Variants in GPC6 observed in about 807,000 individuals in gnomAD.
GPC6 encodes the protein glypican-6.
A neutral mutation model predicts 55.2 loss-of-function variants in GPC6; 14 were observed. The observed-to-expected ratio is 0.25, with a 90% CI of 0.17 to 0.40. The LOEUF (loss-of-function observed/expected upper bound fraction) is 0.40, where lower values mean the gene tolerates loss of function less well. Ranked by LOEUF, GPC6 falls within the 10% of genes least tolerant of loss-of-function variation. GPC6 has a pLI of 1.00. For synonymous variants in GPC6, 278 were observed against 259.6 expected (o/e 1.07, Z -0.68); for missense variants, 641 against 708.5 (o/e 0.90, Z 1.08).
At chr13:93,644,285 A>G (rs541723061) in intron 2 of GPC6, among the ~76,000 whole-genome samples, 12 of 152,252 alleles carry the variant, frequency 7.9e-5, no homozygotes, top group African/African-American at 2.9e-4. Flanking sequence ...CTCACGACTT[A>G]TCACAAGGAT....
intron 6 of GPC6, among the ~76,000 whole-genome samples, chr13:94,343,356 T>C (rs1878133596): frequency 6.6e-6 from 1 of 152,200 alleles, no homozygotes; most frequent in African/African-American, 2.4e-5. Flanking sequence ...CCGCAGCCTT[T>C]GCCTCCGCAC....
At chr13:94,091,684 A>C (rs529619953) in intron 4 of GPC6, among the ~76,000 whole-genome samples, 1 of 152,218 alleles carries the variant, frequency 6.6e-6, no homozygotes, top group Non-Finnish European at 1.5e-5. Context: ...TGGTTATTTA[A>C]ATCTAATCTT....
At chr13:93,384,299 A>G (rs1399514311) in intron 1 of GPC6, among the ~76,000 whole-genome samples, 9 of 152,082 alleles carry the variant, frequency 5.9e-5, no homozygotes, top group Non-Finnish European at 1.0e-4. Flanking sequence ...GCCTATGTGA[A>G]GGGATCATGA....
intron 4 of GPC6, among the ~76,000 whole-genome samples, chr13:94,272,637 T>G (rs1892076660): frequency 6.6e-6 from 1 of 151,468 alleles, no homozygotes; most frequent in African/African-American, 2.4e-5. Flanking sequence ...CCCGGCTAAT[T>G]TTTTGTATTT....
chr13:94,204,916 ATAACT>A (rs1158009786), intron 4 of GPC6, among the ~76,000 whole-genome samples: 3 of 152,212 alleles, frequency 2.0e-5, no homozygotes, highest in African/African-American at 4.8e-5. Flanking sequence ...GAGCCACAAC[ATAACT>A]TAATAAACTA....
Position 93,794,196 on chromosome 13 carries a change from G to A in GPC6, c.320-35958G>A, listed in dbSNP as rs567967869. On this transcript the variant is annotated intron_variant, in intron 2 of 8. Transcript: ENST00000377047. Reference sequence around the variant, plus strand: ...ATAGTACATGGTTCAAAGAGAAATAGCATTTTTTTTAAATGCCCAGGGATA... The same window carrying A: ...ATAGTACATGGTTCAAAGAGAAATAACATTTTTTTTAAATGCCCAGGGATA... 3.9e-5 allele frequency among the ~76,000 whole-genome samples: 6 copies of A among 152,266 alleles called. No homozygotes were observed. The South Asian group carries it at 1.2e-3, about 32-fold the overall frequency.
chr13:93,894,868 A>T (rs1875897586), intron 3 of GPC6, among the ~76,000 whole-genome samples: 1 of 151,992 alleles, frequency 6.6e-6, no homozygotes, highest in Non-Finnish European at 1.5e-5. Flanking sequence ...ATGATGTGTT[A>T]TCTTGGTTTT....
intron 2 of GPC6, among the ~76,000 whole-genome samples, chr13:93,546,227 G>T (rs1365167856): frequency 6.6e-6 from 1 of 152,010 alleles, no homozygotes; most frequent in African/African-American, 2.4e-5. Flanking sequence ...CCTTCTTTTG[G>T]CTCCGTTGGT....
intron 5 of GPC6, among the ~76,000 whole-genome samples, chr13:94,301,023 T>C (rs1875619258): frequency 6.6e-6 from 1 of 152,182 alleles, no homozygotes; most frequent in Non-Finnish European, 1.5e-5. Context: ...GTGGGTTCTT[T>C]GGAACACCAG....
chr13:93,379,596 G>T (rs1053893246), intron 1 of GPC6, among the ~76,000 whole-genome samples: 1 of 152,102 alleles, frequency 6.6e-6, no homozygotes, highest in Non-Finnish European at 1.5e-5. Context: ...AGAGAACCTA[G>T]AATTCAGTCT....
At chr13:93,952,945 C>A (rs1310779121) in intron 3 of GPC6, among the ~76,000 whole-genome samples, 1 of 148,482 alleles carries the variant, frequency 6.7e-6, no homozygotes, top group Non-Finnish European at 1.5e-5. Flanking sequence ...TCCTTGAAAC[C>A]GTTTGGCTCA....
intron 2 of GPC6, among the ~76,000 whole-genome samples, chr13:93,593,029 T>C (rs1213463984): frequency 1.3e-5 from 2 of 152,112 alleles, no homozygotes; most frequent in East Asian, 3.8e-4. Context: ...ATGTAAAAGA[T>C]CTTGGAGTTG....
intron 2 of GPC6, among the ~76,000 whole-genome samples, chr13:93,769,084 G>T (rs1885211314): frequency 6.6e-6 from 1 of 152,090 alleles, no homozygotes; most frequent in African/African-American, 2.4e-5. Flanking sequence ...AAATCACATG[G>T]GATTTTTCAT....
intron 1 of GPC6, among the ~76,000 whole-genome samples, chr13:93,231,329 A>C (rs1220780654): frequency 1.0e-5 from 1 of 96,834 alleles, no homozygotes; most frequent in Admixed American, 1.0e-4. Context: ...ATATATATAT[A>C]CGTATATATA....
At chr13:93,607,862 ACCT>A (rs1256374220) in intron 2 of GPC6, among the ~76,000 whole-genome samples, 1 of 151,752 alleles carries the variant, frequency 6.6e-6, no homozygotes. Context: ...TCCCACTGTC[ACCT>A]CCCTGCAACT....
intron 4 of GPC6, among the ~76,000 whole-genome samples, chr13:94,193,522 C>T (rs1889466810): frequency 6.6e-6 from 1 of 152,080 alleles, no homozygotes; most frequent in African/African-American, 2.4e-5. Flanking sequence ...GGATGCTCTT[C>T]GAGTGTGCTG....
At chr13:93,830,062 T>C (rs1887423772) in intron 2 of GPC6, 92 bp from the exon 3 acceptor site, 1 of 817,408 alleles carries the variant, frequency 1.2e-6, no homozygotes, top group East Asian at 2.5e-5. Context: ...TCCATGAAAA[T>C]GTCAATTAAA....
chr13:93,890,031 G>A (rs1156762390), intron 3 of GPC6, among the ~76,000 whole-genome samples: 1 of 152,074 alleles, frequency 6.6e-6, no homozygotes, highest in Non-Finnish European at 1.5e-5. Context: ...ACCAAAGCAT[G>A]CAGAAATCAA....
At chr13:94,058,534 CT>C (rs1217749284) in intron 4 of GPC6, among the ~76,000 whole-genome samples, 3 of 152,094 alleles carry the variant, frequency 2.0e-5, no homozygotes, top group Non-Finnish European at 4.4e-5. Context: ...CCATAGCCCC[CT>C]AGGTGGTTAC....
Sources: gnomAD v4.1 joint callset for allele counts (sites outside exome capture counted in the v4.1 genomes callset) on GRCh38, gnomAD v4.1.1 for gene constraint, MANE v1.5 for transcripts, NCBI Gene and HGNC (gene_info 2026-07-23, HGNC 2026-07-21) for gene names.